The following ABI2 variants were observed in gnomAD, a reference collection of about 807,000 sequenced individuals.
ABI2 encodes abl interactor 2.
ABI2 carries 25 observed loss-of-function variants against 59.2 expected under a neutral mutation model. That is an observed-to-expected ratio of 0.42 (90% CI 0.31 to 0.59). The LOEUF is 0.59. Among genes scored for constraint, ABI2 ranks in the 20% least tolerant of loss-of-function variants. The probability of loss-of-function intolerance (pLI) is 0.14; values close to 1 mark genes in which losing one functional copy is unlikely to be tolerated. For synonymous variants in ABI2, 213 were observed against 235.5 expected (o/e 0.90, Z 0.87); for missense variants, 545 against 681.8 (o/e 0.80, Z 2.23).
intron 11 of ABI2, among the ~76,000 whole-genome samples, chr2:203,420,991 T>TA (rs1450755635): frequency 6.6e-6 from 1 of 150,948 alleles, no homozygotes; most frequent in Non-Finnish European, 1.5e-5. Flanking sequence ...GAGAGGGTGA[T>TA]ATGAGCACGC....
At chr2:203,340,690 C>T (rs762740005) in intron 1 of ABI2, among the ~76,000 whole-genome samples, 4 of 151,946 alleles carry the variant, frequency 2.6e-5, no homozygotes, top group Admixed American at 6.6e-5. Flanking sequence ...GCCCACTCCC[C>T]GCTCCCACCA....
intron 1 of ABI2, among the ~76,000 whole-genome samples, chr2:203,365,382 T>G (rs1380196223): frequency 6.6e-6 from 1 of 152,214 alleles, no homozygotes; most frequent in African/African-American, 2.4e-5. Flanking sequence ...AGCCTCATGC[T>G]TTTTCTCTTT....
chr2:203,344,969 T>C (rs1467329499), intron 1 of ABI2, among the ~76,000 whole-genome samples: 4 of 151,934 alleles, frequency 2.6e-5, no homozygotes, highest in Non-Finnish European at 5.9e-5. Flanking sequence ...CAACCAGTGC[T>C]CTGTAAAATG....
At chr2:203,348,176 G>A (rs1383977256) in intron 1 of ABI2, among the ~76,000 whole-genome samples, 1 of 152,186 alleles carries the variant, frequency 6.6e-6, no homozygotes, top group Non-Finnish European at 1.5e-5. Flanking sequence ...GGGTGGCGAA[G>A]GTTGCAGTGA....
chr2:203,381,373 C>A (rs2096114337), intron 3 of ABI2, among the ~76,000 whole-genome samples: 1 of 152,144 alleles, frequency 6.6e-6, no homozygotes, highest in Non-Finnish European at 1.5e-5. Flanking sequence ...TACTCCTGGG[C>A]TCAGGTGATC....
chr2:203,349,753 G>C (rs942497158), intron 1 of ABI2, among the ~76,000 whole-genome samples: 11 of 151,612 alleles, frequency 7.3e-5, no homozygotes, highest in African/African-American at 2.7e-4. Flanking sequence ...CTAGTACATG[G>C]ATAATACCAC....
At chr2:203,343,905 G>T (rs183115363) in intron 1 of ABI2, among the ~76,000 whole-genome samples, 14 of 152,082 alleles carry the variant, frequency 9.2e-5, no homozygotes, top group South Asian at 2.1e-4. Context: ...TGAGGTGGGA[G>T]GATTGCTTGA....
intron 2 of ABI2, chr2:203,367,323 C>CT (rs35598384): frequency 0.68 from 113,367 of 167,822 alleles, 38,571 homozygotes; most frequent in South Asian, 0.78. Flanking sequence ...ATTCCCCCGC[C>CT]TTTTTTTTTT....
Position 203,428,505 on chromosome 2 carries a change from A to C in ABI2, c.*1153A>C, listed in dbSNP as rs781460954. On this transcript the variant is annotated 3_prime_UTR_variant, in exon 12 of 12. Coordinates refer to ENST00000261018, the MANE Select transcript of ABI2 (RefSeq NM_001375670.1). The stretch of plus-strand genomic sequence containing the variant: ...ATTGGACTCTTAAGTAGCTGCTGTT[A>C]GTCAGAATTAAAACCCATCTCAGAC... 6.6e-6 allele frequency: 1 copy of C among 152,606 alleles called. No individual in the cohort carries two copies. Among genetic ancestry groups the C allele is most frequent in the Non-Finnish European group, 1.5e-5 (1 of 68,034 alleles). The allele number at this position is 152,606 out of a possible 1,614,324, so 9.5% of individuals were successfully genotyped here.
intron 3 of ABI2, among the ~76,000 whole-genome samples, chr2:203,381,473 C>T (rs1214355723): frequency 1.3e-5 from 2 of 152,104 alleles, no homozygotes; most frequent in African/African-American, 4.8e-5. Flanking sequence ...GTCTGTGTTG[C>T]CCAGGGTGGT....
At chr2:203,411,140 T>C in intron 9 of ABI2, 145 bp from the exon 10 acceptor site, 1 of 725,864 alleles carries the variant, frequency 1.4e-6, no homozygotes, top group Non-Finnish European at 2.4e-6. Flanking sequence ...GAGTTGTCCC[T>C]CAACAGGGGA....
chr2:203,331,899 C>T (rs928310057), intron 1 of ABI2, among the ~76,000 whole-genome samples: 6 of 151,266 alleles, frequency 4.0e-5, no homozygotes, highest in South Asian at 2.1e-4. Flanking sequence ...AACCTTCGTC[C>T]CCCGGGTTCA....
At chr2:203,421,964 CAAAAA>C (rs35435663) in intron 11 of ABI2, among the ~76,000 whole-genome samples, 2 of 102,652 alleles carry the variant, frequency 1.9e-5, no homozygotes, top group African/African-American at 4.0e-5. Context: ...GACTCTGTCT[CAAAAA>C]AAAAAAAAAA....
intron 1 of ABI2, among the ~76,000 whole-genome samples, chr2:203,336,531 C>T (rs530352479): frequency 2.4e-4 from 37 of 152,254 alleles, no homozygotes; most frequent in South Asian, 1.0e-3. Context: ...GCCTCATCAC[C>T]TCCTAGTTCC....
At chr2:203,393,581 T>C (rs944259601) in intron 5 of ABI2, among the ~76,000 whole-genome samples, 19 of 152,352 alleles carry the variant, frequency 1.2e-4, no homozygotes, top group Admixed American at 7.8e-4. Flanking sequence ...TATGTATTTA[T>C]GTAAGGAGAC....
chr2:203,331,308 A>G (rs2073188090), intron 1 of ABI2, among the ~76,000 whole-genome samples: 2 of 143,496 alleles, frequency 1.4e-5, no homozygotes, highest in African/African-American at 5.2e-5. Context: ...AGTAGATGAA[A>G]GTTAATTCAC....
intron 10 of ABI2, 48 bp downstream of exon 10, chr2:203,411,419 A>G (rs746403114): frequency 1.1e-5 from 15 of 1,422,934 alleles, no homozygotes; most frequent in South Asian, 1.2e-5. Context: ...TAGGCATAAA[A>G]TGTCATTTAT....
intron 1 of ABI2, among the ~76,000 whole-genome samples, chr2:203,360,888 T>A (rs539224983): frequency 6.6e-6 from 1 of 152,214 alleles, no homozygotes; most frequent in South Asian, 2.1e-4. Context: ...GTTGCTAATA[T>A]CATTTATGAA....
chr2:203,346,286 A>C (rs1187724011), intron 1 of ABI2, among the ~76,000 whole-genome samples: 1 of 152,164 alleles, frequency 6.6e-6, no homozygotes, highest in Non-Finnish European at 1.5e-5. Flanking sequence ...ACCGGATGCT[A>C]CTTTGGTATT....
Sources: allele counts gnomAD v4.1 joint callset (sites outside exome capture counted in the v4.1 genomes callset), GRCh38; gene constraint gnomAD v4.1.1; transcripts MANE v1.5; gene names NCBI Gene and HGNC (gene_info 2026-07-23, HGNC 2026-07-21).